Variants in BCAP29 observed in about 807,000 individuals in gnomAD.
BCAP29 encodes the protein B cell receptor associated protein 29.
In BCAP29, 34 loss-of-function variants were observed where a neutral mutation model predicts 31.8. The ratio of observed to expected loss-of-function variants is 1.07; its 90% confidence interval spans 0.81 to 1.42. The LOEUF is 1.42. Among genes scored for constraint, BCAP29 ranks in the 40% most tolerant of loss-of-function variants. The pLI is 0.00. For synonymous variants in BCAP29, 104 were observed against 91.3 expected (o/e 1.14, Z -0.79); for missense variants, 314 against 269.2 (o/e 1.17, Z -1.16).
At chr7:107,589,254 A>G (rs1350138543) in intron 3 of BCAP29, among the ~76,000 whole-genome samples, 2 of 152,174 alleles carry the variant, frequency 1.3e-5, no homozygotes, top group Non-Finnish European at 2.9e-5. Context: ...TGATTCAAGC[A>G]CATTAAATTT....
Position 107,600,445 on chromosome 7 carries a change from A to G in BCAP29, c.529A>G (p.Asn177Asp), listed in dbSNP as rs1377858083. ...KDEECVLEAE[N>D]KKLVEDQEKL... ...TGAAGAATGTGTTTTGGAAGCAGAA[A>G]ATAAAAAACTAGTAGAAGACCAGGA... is the stretch of plus-strand genomic sequence containing the variant. The change falls in exon 6 of 8, where the codon AAT (asparagine) becomes GAT (aspartate). Residue 177 changes from asparagine to aspartate, a missense_variant. Asn to Asp is a conservative substitution (Grantham distance 23). Transcript: ENST00000005259. 2.5e-6 allele frequency: 4 copies of G among 1,611,536 alleles called. No homozygotes were observed. Among genetic ancestry groups the G allele is most frequent in the Non-Finnish European group, 3.4e-6 (4 of 1,178,560 alleles).
At position 107,595,926 on chromosome 7, in the gene BCAP29, G is replaced by A. The variant is rs1809733599; in HGVS notation, c.404G>A (p.Gly135Asp). The change falls in exon 5 of 8, where the codon GGT becomes GAT. Residue 135 changes from glycine (G) to aspartate (D), a missense_variant. Physicochemically the swap from Gly to Asp is moderately conservative, Grantham distance 94. Coordinates refer to ENST00000005259, the MANE Select transcript of BCAP29 (RefSeq NM_018844.4). ...TQLAKELSNKGVLKTQAENTN... is the reference protein window; with the variant it reads ...TQLAKELSNKDVLKTQAENTN... ...CTGGCAAAAGAACTGTCAAACAAAG[G>A]TGTACTTAAAACTCAAGCAGAAAAT... is the stretch of plus-strand genomic sequence containing the variant. 6.3e-7 allele frequency: 1 copy of A among 1,599,690 alleles called. No individual in the cohort carries two copies. Among genetic ancestry groups the A allele is most frequent in the South Asian group, 1.1e-5 (1 of 88,014 alleles).
chr7:107,603,650 G>T (rs1221069994), intron 6 of BCAP29: 1 of 145,654 alleles, frequency 6.9e-6, no homozygotes, highest in African/African-American at 2.6e-5. Context: ...CTGTCACCCA[G>T]GTGGGAGTGC....
At chr7:107,610,809 A>G (rs1812987237) in intron 6 of BCAP29, among the ~76,000 whole-genome samples, 1 of 152,202 alleles carries the variant, frequency 6.6e-6, no homozygotes, top group African/African-American at 2.4e-5. Flanking sequence ...TTGATATCTA[A>G]GATATATTAA....
rs1233688305 is a variant in BCAP29 at position 107,618,579 on chromosome 7, A to G, written c.*216A>G. Reference sequence around the variant, plus strand: ...TCCAGCTCTTAAGAAAAATATAAGCATGTTAAATACCATATTTACATATTG... The same window carrying G: ...TCCAGCTCTTAAGAAAAATATAAGCGTGTTAAATACCATATTTACATATTG... On this transcript the variant is annotated 3_prime_UTR_variant, in exon 8 of 8. Coordinates refer to ENST00000005259, the MANE Select transcript of BCAP29 (RefSeq NM_018844.4). The G allele has an allele frequency of 1.3e-6, 2 of 1,593,594 alleles. No individual in the cohort carries two copies. Among genetic ancestry groups the G allele is most frequent in the South Asian group, 1.1e-5 (1 of 89,868 alleles).
chr7:107,617,999 CCCTT>C (rs1445218297), intron 7 of BCAP29, among the ~76,000 whole-genome samples: 1 of 152,134 alleles, frequency 6.6e-6, no homozygotes, highest in Non-Finnish European at 1.5e-5. Context: ...AGGTTTTTGT[CCCTT>C]CCTTCTTTCA....
In BCAP29 at chr7:107,618,916, C is replaced by T. The variant is rs1814650934; in HGVS notation, c.*553C>T. The T allele has an allele frequency of 5.6e-6, 1 of 177,842 alleles. No homozygotes were observed. Among genetic ancestry groups the T allele is most frequent in the African/African-American group, 2.4e-5 (1 of 42,490 alleles). The allele number at this position is 177,842 out of a possible 1,614,324, so 11.0% of individuals were successfully genotyped here. The stretch of plus-strand genomic sequence containing the variant: ...TTAAGCCTGATGATACTATGGTTTA[C>T]TCTAATAAGATAGCTATATTGATAA... On this transcript the variant is annotated 3_prime_UTR_variant, in exon 8 of 8. Coordinates refer to ENST00000005259, the MANE Select transcript of BCAP29 (RefSeq NM_018844.4).
intron 2 of BCAP29, among the ~76,000 whole-genome samples, chr7:107,581,082 G>A (rs374758841): frequency 6.6e-6 from 1 of 152,104 alleles, no homozygotes; most frequent in Non-Finnish European, 1.5e-5. Flanking sequence ...AAAAGAAAAG[G>A]CGCCTATACT....
intron 3 of BCAP29, among the ~76,000 whole-genome samples, chr7:107,589,463 G>A (rs1480964085): frequency 1.5e-4 from 23 of 152,106 alleles, no homozygotes; most frequent in Admixed American, 1.2e-3. Flanking sequence ...TCCCTTGCAC[G>A]CGCAGTTCAC....
chr7:107,622,931 C>T (rs941669358), downstream of BCAP29: 2 of 152,076 alleles, frequency 1.3e-5, no homozygotes, highest in African/African-American at 4.8e-5. Flanking sequence ...AATACATGCT[C>T]CAGTTTTGTA....
intron 7 of BCAP29, 57 bp from the exon 8 acceptor site, chr7:107,618,271 G>A: frequency 8.0e-7 from 1 of 1,252,464 alleles, no homozygotes; most frequent in Non-Finnish European, 1.1e-6. Flanking sequence ...TCCTTGTCAT[G>A]TCTATGAATC....
intron 3 of BCAP29, among the ~76,000 whole-genome samples, chr7:107,586,688 G>C (rs1332746749): frequency 1.3e-5 from 2 of 150,300 alleles, no homozygotes; most frequent in African/African-American, 2.4e-5. Context: ...CTCTAAATAA[G>C]GTAACTTTTT....
chr7:107,617,776 A>T (rs75225578), intron 7 of BCAP29, among the ~76,000 whole-genome samples: 1 of 152,178 alleles, frequency 6.6e-6, no homozygotes. Flanking sequence ...AAGCAATAAC[A>T]CTCTGCAACC....
intron 6 of BCAP29, among the ~76,000 whole-genome samples, chr7:107,609,064 A>G (rs966190774): frequency 3.3e-5 from 5 of 152,158 alleles, no homozygotes; most frequent in African/African-American, 1.2e-4. Context: ...TTGTAGTAGA[A>G]GCCAACACTG....
chr7:107,593,321 C>T (rs1286397591), intron 3 of BCAP29, among the ~76,000 whole-genome samples: 1 of 152,098 alleles, frequency 6.6e-6, no homozygotes, highest in African/African-American at 2.4e-5. Context: ...ATCTATTTTC[C>T]ACTGGAAAGA....
chr7:107,584,429 C>T (rs1352056735), intron 3 of BCAP29, among the ~76,000 whole-genome samples: 2 of 152,190 alleles, frequency 1.3e-5, no homozygotes, highest in African/African-American at 4.8e-5. Context: ...ATAAACATGG[C>T]CGGGCGAGGT....
intron 5 of BCAP29, among the ~76,000 whole-genome samples, chr7:107,599,934 C>G (rs1000555638): frequency 6.6e-6 from 1 of 152,122 alleles, no homozygotes; most frequent in African/African-American, 2.4e-5. Context: ...CCTGTCATTT[C>G]CCACTTACCC....
intron 3 of BCAP29, chr7:107,587,421 T>G (rs1038569625): frequency 3.3e-5 from 5 of 152,220 alleles, no homozygotes; most frequent in Non-Finnish European, 7.3e-5. Flanking sequence ...CTTTTCTGCA[T>G]AATGGATTCA....
chr7:107,597,257 T>C (rs1810025106), intron 5 of BCAP29, among the ~76,000 whole-genome samples: 2 of 152,172 alleles, frequency 1.3e-5, no homozygotes, highest in South Asian at 4.1e-4. Context: ...CTTTCTTTCC[T>C]TTCCTCTCCT....
Sources: gnomAD v4.1 joint callset for allele counts (sites outside exome capture counted in the v4.1 genomes callset) on GRCh38, gnomAD v4.1.1 for gene constraint, MANE v1.5 for transcripts, NCBI Gene and HGNC (gene_info 2026-07-23, HGNC 2026-07-21) for gene names.